Variants in DLEC1 observed in about 807,000 individuals in gnomAD.
The protein encoded by DLEC1 is deleted in lung and esophageal cancer protein 1.
In DLEC1, 146 loss-of-function variants were observed where a neutral mutation model predicts 198.1. The observed-to-expected ratio is 0.74, with a 90% CI of 0.64 to 0.85. DLEC1 has a LOEUF of 0.85. Ranked by LOEUF, DLEC1 falls within the 40% of genes least tolerant of loss-of-function variation. DLEC1 has a pLI of 0.00. For missense variants in DLEC1, 2,233 were observed against 2,220.0 expected (o/e 1.01, Z -0.12); for synonymous variants, 897 against 866.8 (o/e 1.03, Z -0.61).
intron 2 of DLEC1, among the ~76,000 whole-genome samples, chr3:38,053,925 G>A (rs1336322493): frequency 6.6e-6 from 1 of 152,160 alleles, no homozygotes; most frequent in Non-Finnish European, 1.5e-5. Flanking sequence ...AACATGTGCT[G>A]TTTCCACTCA....
Position 38,062,869 on chromosome 3 carries a change from G to A in DLEC1, c.1094+68G>A, listed in dbSNP as rs530967590. Reference sequence around the variant, plus strand: ...TGAGAGTTAACCTAGATGGTCCTCCGTTTGGTCTGGCTGTAGAGGTCCCTA... The same window carrying A: ...TGAGAGTTAACCTAGATGGTCCTCCATTTGGTCTGGCTGTAGAGGTCCCTA... On this transcript the variant is annotated intron_variant, in intron 5 of 36. Coordinates refer to ENST00000308059, the MANE Select transcript of DLEC1 (RefSeq NM_007335.4). 193 of 1,530,126 alleles carry A rather than the reference G, an allele frequency of 1.3e-4. No homozygotes were observed. The South Asian group carries it at 1.6e-3, about 13-fold the overall frequency. The allele number at this position is 1,530,126 out of a possible 1,614,324, so 94.8% of individuals were successfully genotyped here.
intron 6 of DLEC1, among the ~76,000 whole-genome samples, chr3:38,083,680 G>C (rs1698186185): frequency 6.6e-6 from 1 of 152,212 alleles, no homozygotes; most frequent in African/African-American, 2.4e-5. Context: ...GCATATACCT[G>C]CAAGTCACAG....
rs746414733 is a variant in DLEC1, at chr3:38,117,515, A to G, written c.4401-12A>G. ...CGCCCGGCTTGCCCCAACAATGCCT[A>G]TTGCTGGGCAGGCTAAGTGTGGAGC... On this transcript the variant is annotated splice_polypyrimidine_tract_variant and intron_variant, in intron 31 of 36. Coordinates refer to ENST00000308059, the MANE Select transcript of DLEC1 (RefSeq NM_007335.4). 6 of 1,614,166 alleles carry G rather than the reference A, an allele frequency of 3.7e-6. No individual in the cohort carries two copies. The highest frequency in any genetic ancestry group is 2.2e-5 in the East Asian group (1 of 44,874).
chr3:38,045,090 A>T (rs895464560), intron 1 of DLEC1, among the ~76,000 whole-genome samples: 6 of 152,302 alleles, frequency 3.9e-5, no homozygotes, highest in Non-Finnish European at 7.4e-5. Context: ...TGCCTCTCTC[A>T]GTCACAGGAT....
At chr3:38,117,364 T>C in intron 31 of DLEC1, 62 bp downstream of exon 31, 1 of 1,604,910 alleles carries the variant, frequency 6.2e-7, no homozygotes, top group South Asian at 1.1e-5. Flanking sequence ...CACCAGGCAC[T>C]GGTGGAGCCA....
intron 34 of DLEC1, 106 bp downstream of exon 34, chr3:38,120,715 A>AGCCCCT: frequency 6.8e-7 from 1 of 1,468,130 alleles, no homozygotes; most frequent in South Asian, 1.3e-5. Context: ...AGAAATAAGG[A>AGCCCCT]GCCCCTGCCC....
intron 1 of DLEC1, among the ~76,000 whole-genome samples, chr3:38,040,420 C>T (rs542101632): frequency 6.6e-6 from 1 of 152,336 alleles, no homozygotes; most frequent in East Asian, 1.9e-4. Flanking sequence ...CTCACACACG[C>T]AACCTGTCCT....
At chr3:38,065,960 G>A (rs1036373284) in intron 6 of DLEC1, among the ~76,000 whole-genome samples, 3 of 152,180 alleles carry the variant, frequency 2.0e-5, no homozygotes, top group Non-Finnish European at 4.4e-5. Context: ...TTATTGTGGT[G>A]ACATTAAACG....
chr3:38,071,155 C>T (rs1295658242), intron 6 of DLEC1, among the ~76,000 whole-genome samples: 3 of 152,056 alleles, frequency 2.0e-5, no homozygotes, highest in Non-Finnish European at 4.4e-5. Context: ...TTAGAAGAAA[C>T]ATTTGTTGTA....
chr3:38,109,626 G>T, intron 22 of DLEC1, 64 bp downstream of exon 22: 2 of 1,608,166 alleles, frequency 1.2e-6, no homozygotes, highest in South Asian at 2.2e-5. Flanking sequence ...CCGCGCCCAG[G>T]ACCAGCACGG....
intron 5 of DLEC1, among the ~76,000 whole-genome samples, chr3:38,063,472 T>TAGAAG (rs755742333): frequency 4.7e-5 from 7 of 148,746 alleles, no homozygotes; most frequent in South Asian, 2.2e-4. Flanking sequence ...AAAAAGAAAA[T>TAGAAG]AGAAGAGAAG....
chr3:38,112,191 A>G lies in DLEC1; in HGVS notation c.3515-19A>G. On this transcript the variant is annotated intron_variant, in intron 24 of 36. Transcript: ENST00000308059. This position sits in a 1 kb window ranked among gnomAD's most constrained non-coding sequence, Gnocchi z 4.8. ...AACCCCAGGCCCGTGAATCCCCCAC[A>G]GTCGCGGTTCTTTCCCAGATTTTAT... 1 of 1,613,942 alleles carries G rather than the reference A, an allele frequency of 6.2e-7. No individual in the cohort carries two copies. Among genetic ancestry groups the G allele is most frequent in the Non-Finnish European group, 8.5e-7 (1 of 1,179,894 alleles).
Position 38,109,422 on chromosome 3 carries a change from TTTC to T in DLEC1, c.3130-7_3130-5del, listed in dbSNP as rs1185800300. 4.3e-6 allele frequency: 7 copies of T among 1,613,962 alleles called. No homozygotes were observed. In the African/African-American group the frequency reaches 8.0e-5, roughly 18 times the overall value. On this transcript the variant is annotated splice_polypyrimidine_tract_variant and splice_region_variant and intron_variant, in intron 21 of 36. Transcript: ENST00000308059. ...GGCCTGGTCTGACCCCTGGATGGGCTTTCTTATAGGAAGAGCTGACCCATCTGG... is the reference window on the plus strand; with the variant it reads ...GGCCTGGTCTGACCCCTGGATGGGCTTTATAGGAAGAGCTGACCCATCTGG...
In DLEC1 at chr3:38,123,974, T is replaced by C. The variant is rs1172309748; in HGVS notation, c.*1562T>C. The C allele has an allele frequency of 6.8e-6, 1 of 147,894 alleles. No homozygotes were observed. Among genetic ancestry groups the C allele is most frequent in the Non-Finnish European group, 1.5e-5 (1 of 67,534 alleles). The allele number at this position is 147,894 out of a possible 1,614,324, so 9.2% of individuals were successfully genotyped here. A position where few individuals can be genotyped will look rare whatever the true frequency, so the allele number is the denominator to read the frequency against. ...GTGAGCCGAGATCACACCACTGCAC[T>C]CCAGCCAGCCTGGACAACGGAGTGA... On this transcript the variant is annotated 3_prime_UTR_variant, in exon 37 of 37. Transcript: ENST00000308059.
intron 34 of DLEC1, among the ~76,000 whole-genome samples, 171 bp from the exon 35 acceptor site, chr3:38,121,457 C>T (rs955207021): frequency 1.3e-5 from 2 of 152,210 alleles, no homozygotes; most frequent in African/African-American, 2.4e-5. Context: ...TGTGCAGACT[C>T]CCAGTAGCAG....
rs563417218 is a variant in DLEC1 at position 38,107,707 on chromosome 3, G to A, written c.2988G>A (p.Thr996=). 2.2e-5 allele frequency: 36 copies of A among 1,613,972 alleles called. No homozygotes were observed. In the African/African-American group the frequency reaches 3.5e-4, roughly 16 times the overall value. Residue 996 remains threonine (T), a synonymous_variant, in exon 20 of 37, where the codon ACG becomes ACA. Transcript: ENST00000308059. ...TKTTITLING[T]LLPTQFHWGK... is the part of the protein sequence containing the mutation. ...CAACCATCACACTTATCAATGGCAC[G>A]CTCCTGCCTACCCAGTTCCACTGGG... is the stretch of plus-strand genomic sequence containing the variant.
chr3:38,062,120 ACCTCC>A, intron 3 of DLEC1, 44 bp from the exon 4 acceptor site: 1 of 1,602,334 alleles, frequency 6.2e-7, no homozygotes, highest in South Asian at 1.1e-5. Flanking sequence ...AGGAATGCCC[ACCTCC>A]TCACCTTGTT....
At chr3:38,052,772 C>A (rs1245266562) in intron 2 of DLEC1, among the ~76,000 whole-genome samples, 7 of 152,048 alleles carry the variant, frequency 4.6e-5, no homozygotes, top group African/African-American at 1.7e-4. Flanking sequence ...CTCTCTCCCT[C>A]CCCCTCCGCC....
At chr3:38,090,800 G>T (rs1698707703) in intron 10 of DLEC1, among the ~76,000 whole-genome samples, 1 of 152,138 alleles carries the variant, frequency 6.6e-6, no homozygotes, top group Non-Finnish European at 1.5e-5. Context: ...CTTAGAAACT[G>T]TTCATGGACG....
Sources: allele counts gnomAD v4.1 joint callset (sites outside exome capture counted in the v4.1 genomes callset), GRCh38; gene constraint gnomAD v4.1.1; non-coding constraint Gnocchi (gnomAD v3.1); transcripts MANE v1.5; gene names NCBI Gene and HGNC (gene_info 2026-07-23, HGNC 2026-07-21).